Variants in TBC1D21 observed in about 807,000 individuals in gnomAD.
TBC1D21 encodes the protein TBC1 domain family member 21, also known as male germ cell Rab GTPase-activating protein.
In TBC1D21, 38 loss-of-function variants were observed where a neutral mutation model predicts 46.0. That is an observed-to-expected ratio of 0.83 (90% CI 0.64 to 1.08). TBC1D21 has a LOEUF of 1.08. Among genes scored for constraint, TBC1D21 ranks in the 50% least tolerant of loss-of-function variants. The pLI, the probability that TBC1D21 is intolerant of heterozygous loss-of-function variation, is 0.00. For missense variants in TBC1D21, 415 were observed against 417.9 expected (o/e 0.99, Z 0.06); for synonymous variants, 151 against 157.2 (o/e 0.96, Z 0.29).
In TBC1D21 at chr15:73,888,525, C is replaced by T. The variant is rs2068292282; in HGVS notation, c.978+12C>T. 1 of 1,610,228 alleles carries T rather than the reference C, an allele frequency of 6.2e-7. No homozygotes were observed. The highest frequency in any genetic ancestry group is 8.5e-7 in the Non-Finnish European group (1 of 1,177,026). ...TCATCCAGAAGGATGTAAGTTGCCC[C>T]AATGATGTGTCCTCCTCCTCCTCTT... is the stretch of plus-strand genomic sequence containing the variant. On this transcript the variant is annotated intron_variant, in intron 10 of 10. Transcript: ENST00000300504.
At chr15:73,901,481 G>A in the TBC1D21 span, among the ~76,000 whole-genome samples, 1 of 152,224 alleles carries the variant, frequency 6.6e-6, no homozygotes. Flanking sequence ...CTTCCCAGGT[G>A]TATTGTTTCC....
chr15:73,892,894 G>A (rs2068348438), downstream of TBC1D21, among the ~76,000 whole-genome samples: 1 of 152,220 alleles, frequency 6.6e-6, no homozygotes, highest in Admixed American at 6.5e-5. Flanking sequence ...TGATGGTGAT[G>A]GTGATGTCGG....
intron 10 of TBC1D21, 147 bp downstream of exon 10, chr15:73,888,660 T>A: frequency 1.7e-6 from 1 of 590,118 alleles, no homozygotes; most frequent in South Asian, 1.8e-5. Context: ...CCTCCTCTTC[T>A]TCCTCCTCCT....
At chr15:73,880,304 C>CACACA (rs140867544) in intron 1 of TBC1D21, among the ~76,000 whole-genome samples, 1 of 149,378 alleles carries the variant, frequency 6.7e-6, no homozygotes, top group East Asian at 2.0e-4. Context: ...CAGATATATA[C>CACACA]CACACACACA....
the TBC1D21 span, among the ~76,000 whole-genome samples, chr15:73,898,532 G>C: frequency 2.6e-5 from 4 of 152,100 alleles, no homozygotes; most frequent in African/African-American, 9.7e-5. Flanking sequence ...AAAAAAATGT[G>C]TTTAGCCCAA....
intron 1 of TBC1D21, among the ~76,000 whole-genome samples, chr15:73,875,280 A>AGAAGGAAG (rs1342413878): frequency 7.6e-6 from 1 of 132,388 alleles, no homozygotes; most frequent in Non-Finnish European, 1.6e-5. Context: ...AGAAGAAGAA[A>AGAAGGAAG]GAAGGAAGGA....
At chr15:73,877,505 C>G (rs1379867422) in intron 1 of TBC1D21, among the ~76,000 whole-genome samples, 2 of 86,092 alleles carry the variant, frequency 2.3e-5, no homozygotes, top group Non-Finnish European at 4.4e-5. Context: ...ACAAACACTT[C>G]CAGAAAACTA....
downstream of TBC1D21, among the ~76,000 whole-genome samples, chr15:73,889,815 T>A (rs1156975592): frequency 2.6e-5 from 4 of 152,376 alleles, no homozygotes; most frequent in African/African-American, 9.6e-5. Context: ...AGGCAGTCAG[T>A]TGCTCTGTGA....
intron 1 of TBC1D21, among the ~76,000 whole-genome samples, chr15:73,880,928 T>C (rs900570861): frequency 6.6e-6 from 1 of 152,218 alleles, no homozygotes; most frequent in Non-Finnish European, 1.5e-5. Context: ...TTAGAGTTTA[T>C]GTGGGGTATT....
chr15:73,873,750 A>C lies in TBC1D21; in HGVS notation c.41A>C (p.Gln14Pro), dbSNP rs1273099110. The C allele has an allele frequency of 6.2e-7, 1 of 1,610,652 alleles. No individual in the cohort carries two copies. The highest frequency in any genetic ancestry group is 8.5e-7 in the Non-Finnish European group (1 of 1,178,304). ...LSPENSLSAR[Q>P]SASFILVKRK... is the part of the protein sequence containing the mutation. ...CCTGAAAACAGCCTCTCTGCCAGAC[A>C]GTCAGCCTCCTTCATCCTGGTGCGT... Residue 14 changes from glutamine to proline, a missense_variant, in exon 1 of 11, where the codon CAG becomes CCG. Physicochemically the swap from Gln to Pro is moderately conservative, Grantham distance 76. Coordinates refer to ENST00000300504, the MANE Select transcript of TBC1D21 (RefSeq NM_153356.3).
the TBC1D21 span, among the ~76,000 whole-genome samples, chr15:73,903,120 G>A: frequency 1.4e-4 from 22 of 152,096 alleles, no homozygotes; most frequent in African/African-American, 5.1e-4. Flanking sequence ...CCTGTAACTC[G>A]CTCCCCTTTA....
intron 1 of TBC1D21, among the ~76,000 whole-genome samples, chr15:73,875,993 T>C (rs560008549): frequency 1.9e-3 from 95 of 50,790 alleles, no homozygotes; most frequent in African/African-American, 4.3e-3. Flanking sequence ...GGTGTGCATG[T>C]AGAGAGAGGG....
chr15:73,882,511 G>A (rs1489392933), intron 3 of TBC1D21, among the ~76,000 whole-genome samples: 1 of 152,110 alleles, frequency 6.6e-6, no homozygotes, highest in Non-Finnish European at 1.5e-5. Context: ...AGATCCCACA[G>A]TATACCTACT....
At chr15:73,885,402 G>A in intron 6 of TBC1D21, among the ~76,000 whole-genome samples, 1 of 152,108 alleles carries the variant, frequency 6.6e-6, no homozygotes, top group East Asian at 1.9e-4. Flanking sequence ...TCTTCCCCAA[G>A]CACGGTTCTC....
intron 1 of TBC1D21, among the ~76,000 whole-genome samples, chr15:73,876,961 A>G (rs1232527674): frequency 6.6e-6 from 1 of 152,142 alleles, no homozygotes; most frequent in Admixed American, 6.5e-5. Context: ...CTGTTGCATC[A>G]AACAGCTTAG....
the TBC1D21 span, among the ~76,000 whole-genome samples, chr15:73,898,880 A>AAAAAATATAT: frequency 1.6e-4 from 9 of 56,800 alleles, no homozygotes; most frequent in Admixed American, 2.7e-4. Context: ...AAAAAAAAAA[A>AAAAAATATAT]ATATATATAT....
chr15:73,893,793 CAGG>C (rs1183457008), downstream of TBC1D21, among the ~76,000 whole-genome samples: 1 of 152,148 alleles, frequency 6.6e-6, no homozygotes, highest in East Asian at 1.9e-4. Flanking sequence ...TCCCTCCTTT[CAGG>C]AGGAAGAACA....
chr15:73,873,686 G>A lies in TBC1D21; in HGVS notation c.-24G>A, dbSNP rs770179442. On this transcript the variant is annotated 5_prime_UTR_variant, in exon 1 of 11. Transcript: ENST00000300504. ...GGCTCCAAGTGAGTTCTGATCAGAG[G>A]CTGTTCGGAAGACAGCAGGGGCCAT... is the stretch of plus-strand genomic sequence containing the variant. 1 of 1,592,688 alleles carries A rather than the reference G, an allele frequency of 6.3e-7. No individual in the cohort carries two copies. The highest frequency in any genetic ancestry group is 2.3e-5 in the East Asian group (1 of 43,908).
the TBC1D21 span, among the ~76,000 whole-genome samples, chr15:73,898,902 T>TATATATATATATATAC: frequency 4.4e-4 from 50 of 112,830 alleles, no homozygotes; most frequent in Admixed American, 6.4e-4. Flanking sequence ...TATATATATA[T>TATATATATATATATAC]ACACACACAC....
Sources: gnomAD v4.1 joint callset for allele counts (sites outside exome capture counted in the v4.1 genomes callset) on GRCh38, gnomAD v4.1.1 for gene constraint, MANE v1.5 for transcripts, NCBI Gene and HGNC (gene_info 2026-07-23, HGNC 2026-07-21) for gene names.